DRC11: variants seen among roughly 807,000 people sequenced by gnomAD.
DRC11 encodes dynein regulatory complex subunit 11.
the DRC11 span, among the ~76,000 whole-genome samples, chr2:236,384,930 T>C: frequency 6.6e-6 from 1 of 151,726 alleles, no homozygotes. Context: ...CCTTTCCCCA[T>C]TGCTTGTTTT....
chr2:236,325,749 T>G, the DRC11 span, among the ~76,000 whole-genome samples: 1 of 152,106 alleles, frequency 6.6e-6, no homozygotes, highest in Non-Finnish European at 1.5e-5. This position sits in a 1 kb window ranked among gnomAD's most constrained non-coding sequence, Gnocchi z 4.4. Flanking sequence ...ATTACAGGCG[T>G]GCGCCACCAC....
chr2:236,487,911 T>TA, the DRC11 span: 1 of 829,808 alleles, frequency 1.2e-6, no homozygotes. Flanking sequence ...ATTTGGTGTT[T>TA]GAGTTTTGAA....
chr2:236,471,546 C>T, the DRC11 span, among the ~76,000 whole-genome samples: 1 of 152,196 alleles, frequency 6.6e-6, no homozygotes, highest in Non-Finnish European at 1.5e-5. The surrounding 1 kb of genome is among the most constrained non-coding windows in gnomAD (Gnocchi z 4.6). Context: ...CATCTAAATG[C>T]ATGATTATAA....
At chr2:236,337,300 A>C in the DRC11 span, among the ~76,000 whole-genome samples, 1 of 152,020 alleles carries the variant, frequency 6.6e-6, no homozygotes, top group Non-Finnish European at 1.5e-5. This position sits in a 1 kb window ranked among gnomAD's most constrained non-coding sequence, Gnocchi z 4.9. Context: ...TAGATAGCAG[A>C]ACGGCCGCCA....
chr2:236,408,603 C>A, the DRC11 span: 3 of 726,460 alleles, frequency 4.1e-6, no homozygotes, highest in South Asian at 4.2e-5. This position sits in a 1 kb window ranked among gnomAD's most constrained non-coding sequence, Gnocchi z 5.5. Flanking sequence ...GATGACTTGG[C>A]AGTGCTTCTT....
At chr2:236,503,772 G>T in the DRC11 span, 1 of 1,397,270 alleles carries the variant, frequency 7.2e-7, no homozygotes, top group Non-Finnish European at 9.9e-7. The surrounding 1 kb of genome is among the most constrained non-coding windows in gnomAD (Gnocchi z 4.9). Flanking sequence ...GACCGCCAGG[G>T]ACCTGGGCAC....
chr2:236,407,411 C>A, the DRC11 span, among the ~76,000 whole-genome samples: 8 of 152,176 alleles, frequency 5.3e-5, no homozygotes. Context: ...GAGTCTACAC[C>A]ATGGGCCCTC....
At chr2:236,481,026 G>GCA in the DRC11 span, among the ~76,000 whole-genome samples, 2 of 152,346 alleles carry the variant, frequency 1.3e-5, no homozygotes, top group Admixed American at 1.3e-4. Flanking sequence ...AGGTCCCAAA[G>GCA]GGGATATCCC....
the DRC11 span, among the ~76,000 whole-genome samples, chr2:236,320,671 C>T: frequency 5.9e-5 from 9 of 152,138 alleles, no homozygotes; most frequent in South Asian, 2.1e-4. Context: ...GACTCCATCC[C>T]GCAGAATGCT....
chr2:236,442,140 T>C, the DRC11 span, among the ~76,000 whole-genome samples: 1 of 152,156 alleles, frequency 6.6e-6, no homozygotes, highest in African/African-American at 2.4e-5. Flanking sequence ...ATGTATAAAA[T>C]ATATATTTTA....
the DRC11 span, among the ~76,000 whole-genome samples, chr2:236,329,617 A>G: frequency 6.6e-6 from 1 of 152,232 alleles, no homozygotes; most frequent in Non-Finnish European, 1.5e-5. Context: ...TAGCAATGGT[A>G]TCACATTATT....
At chr2:236,492,236 T>C in the DRC11 span, among the ~76,000 whole-genome samples, 2 of 152,218 alleles carry the variant, frequency 1.3e-5, no homozygotes, top group Non-Finnish European at 2.9e-5. Context: ...AAAGGTTTCT[T>C]GAAGGATGGT....
the DRC11 span, among the ~76,000 whole-genome samples, chr2:236,491,209 TATACAC>T: frequency 2.2e-5 from 1 of 46,090 alleles, no homozygotes; most frequent in Non-Finnish European, 4.2e-5. Context: ...TATATATATA[TATACAC>T]ACAGTATATA....
chr2:236,380,640 T>C, the DRC11 span: 5 of 1,546,578 alleles, frequency 3.2e-6, no homozygotes, highest in Admixed American at 3.9e-5. This position sits in a 1 kb window ranked among gnomAD's most constrained non-coding sequence, Gnocchi z 4.9. Flanking sequence ...CTTTCTTCTT[T>C]GGAAAAAAAG....
the DRC11 span, among the ~76,000 whole-genome samples, chr2:236,422,650 T>C: frequency 2.6e-5 from 4 of 152,106 alleles, no homozygotes; most frequent in African/African-American, 4.8e-5. Context: ...AGATTCAATG[T>C]CATCCCCATC....
At chr2:236,458,860 C>G in the DRC11 span, among the ~76,000 whole-genome samples, 1 of 152,082 alleles carries the variant, frequency 6.6e-6, no homozygotes, top group African/African-American at 2.4e-5. Context: ...AGCTGGCCAA[C>G]ATGGTGAAAC....
At chr2:236,380,762 A>T in the DRC11 span, 3 of 699,770 alleles carry the variant, frequency 4.3e-6, no homozygotes, top group Non-Finnish European at 7.5e-6. This position sits in a 1 kb window ranked among gnomAD's most constrained non-coding sequence, Gnocchi z 4.9. Flanking sequence ...TGGTGGCGTG[A>T]ACACAGAGCT....
the DRC11 span, among the ~76,000 whole-genome samples, chr2:236,487,262 T>C: frequency 6.6e-6 from 1 of 152,160 alleles, no homozygotes; most frequent in Non-Finnish European, 1.5e-5. Context: ...CCAAGAAATG[T>C]ACAACTCAAG....
chr2:236,471,066 A>G, the DRC11 span, among the ~76,000 whole-genome samples: 4 of 152,206 alleles, frequency 2.6e-5, no homozygotes, highest in Non-Finnish European at 5.9e-5. The surrounding 1 kb of genome is among the most constrained non-coding windows in gnomAD (Gnocchi z 4.6). Flanking sequence ...GTTGAAAAGT[A>G]TTAACTCCCT....
Sources: gnomAD v4.1 joint callset for allele counts (sites outside exome capture counted in the v4.1 genomes callset) on GRCh38, gnomAD v4.1.1 for gene constraint, Gnocchi (gnomAD v3.1) non-coding constraint, MANE v1.5 for transcripts, NCBI Gene and HGNC (gene_info 2026-07-23, HGNC 2026-07-21) for gene names.